The following IL23R variants were observed in gnomAD, a reference collection of about 807,000 sequenced individuals.
IL23R encodes interleukin-23 receptor.
IL23R carries 34 observed loss-of-function variants against 56.9 expected under a neutral mutation model. The ratio of observed to expected loss-of-function variants is 0.60; its 90% CI spans 0.45 to 0.80. The LOEUF is 0.80. Ranked by LOEUF, IL23R falls within the 30% of genes least tolerant of loss-of-function variation. The pLI, the probability that IL23R is intolerant of heterozygous loss-of-function variation, is 0.00. For missense variants in IL23R, 635 were observed against 730.0 expected, an observed-to-expected ratio of 0.87 and a Z score of 1.50; for synonymous variants, 230 against 249.2, an observed-to-expected ratio of 0.92 and a Z score of 0.73.
chr1:67,148,557 G>A (rs1646702390), intron 1 of IL23R, among the ~76,000 whole-genome samples: 1 of 152,226 alleles, frequency 6.6e-6, no homozygotes, highest in African/African-American at 2.4e-5. Flanking sequence ...GAAGGTGGGT[G>A]TGGTCACCTT....
chr1:67,200,507 C>T (rs535985057), intron 4 of IL23R, among the ~76,000 whole-genome samples: 4 of 151,058 alleles, frequency 2.6e-5, no homozygotes, highest in South Asian at 2.1e-4. Context: ...ATTCTCCTTT[C>T]GCAGCCTCCC....
intron 4 of IL23R, among the ~76,000 whole-genome samples, chr1:67,193,393 TG>T (rs1647891108): frequency 6.6e-6 from 1 of 152,244 alleles, no homozygotes; most frequent in Non-Finnish European, 1.5e-5. Context: ...TTTTGTTCAT[TG>T]TAGCCCCAAT....
At position 67,168,179 on chromosome 1, in the gene IL23R, G is replaced by T. The variant is rs765086515; in HGVS notation, c.59G>T (p.Trp20Leu). Residue 20 changes from tryptophan to leucine, a missense_variant, in exon 2 of 11, where the codon TGG becomes TTG. Physicochemically the swap from Trp to Leu is moderately conservative, Grantham distance 61 (BLOSUM62 -2). Transcript: ENST00000347310. ...AVIALYILFS[W>L]CHGGITNINC... ...ATAGCCCTTTACATACTCTTCAGCT[G>T]GTGTCATGGAGGTATGGTGTTTTAT... 30 of 1,607,414 alleles carry T rather than the reference G, an allele frequency of 1.9e-5. No homozygotes were observed. Among genetic ancestry groups the T allele is most frequent in the Non-Finnish European group, 2.4e-5 (28 of 1,174,148 alleles).
intron 7 of IL23R, among the ~76,000 whole-genome samples, chr1:67,232,495 A>G (rs1365678593): frequency 6.6e-6 from 1 of 152,214 alleles, no homozygotes; most frequent in Non-Finnish European, 1.5e-5. Context: ...TGACCAGCAC[A>G]AACTACATGT....
At chr1:67,200,053 T>C (rs1648498087) in intron 4 of IL23R, among the ~76,000 whole-genome samples, 1 of 152,176 alleles carries the variant, frequency 6.6e-6, no homozygotes, top group African/African-American at 2.4e-5. Flanking sequence ...TTTGTTTTTG[T>C]TTTTGAGACG....
intron 4 of IL23R, among the ~76,000 whole-genome samples, chr1:67,187,852 G>A (rs1647456447): frequency 6.6e-6 from 1 of 152,006 alleles, no homozygotes; most frequent in African/African-American, 2.4e-5. Flanking sequence ...GATCACTTGA[G>A]GTCCGGAGTT....
chr1:67,198,602 C>T (rs1648361394), intron 4 of IL23R, among the ~76,000 whole-genome samples: 1 of 152,280 alleles, frequency 6.6e-6, no homozygotes, highest in East Asian at 1.9e-4. Context: ...TGCATGACTC[C>T]CTTTCCCCTC....
chr1:67,193,474 A>T (rs1647896063), intron 4 of IL23R, among the ~76,000 whole-genome samples: 1 of 152,222 alleles, frequency 6.6e-6, no homozygotes, highest in Admixed American at 6.5e-5. Context: ...TAAATGAATG[A>T]AAGACACTAT....
chr1:67,220,477 T>C (rs1650171054), intron 7 of IL23R, among the ~76,000 whole-genome samples: 1 of 152,210 alleles, frequency 6.6e-6, no homozygotes, highest in Non-Finnish European at 1.5e-5. Flanking sequence ...AAAACTATTC[T>C]AGGGCAGATG....
intron 3 of IL23R, among the ~76,000 whole-genome samples, chr1:67,170,527 A>G (rs989709216): frequency 6.6e-6 from 1 of 152,168 alleles, no homozygotes; most frequent in African/African-American, 2.4e-5. Context: ...AGTGTCCTGG[A>G]GGTGTTTAAA....
At chr1:67,208,767 C>T (rs1312448784) in intron 6 of IL23R, among the ~76,000 whole-genome samples, 4 of 152,160 alleles carry the variant, frequency 2.6e-5, no homozygotes, top group Non-Finnish European at 5.9e-5. Context: ...TGAGCCTCCA[C>T]ACAGAGTCCC....
intron 3 of IL23R, among the ~76,000 whole-genome samples, chr1:67,177,141 G>A (rs1433037581): frequency 6.6e-6 from 1 of 152,152 alleles, no homozygotes; most frequent in Non-Finnish European, 1.5e-5. Context: ...TCAGTAGTGG[G>A]ATGGCTCAGT....
Position 67,179,358 on chromosome 1 carries a change from G to A in IL23R, c.368-3478G>A, listed in dbSNP as rs141370731. 3.2e-3 allele frequency among the ~76,000 whole-genome samples: 491 copies of A among 152,218 alleles called. 2 individuals are homozygous for A. Among genetic ancestry groups the A allele is most frequent in the East Asian group, 0.012 (61 of 5,186 alleles). On this transcript the variant is annotated intron_variant, in intron 3 of 10. Transcript: ENST00000347310. ...GGTTTAGTCTTGGGAGGGTGTATGCGTCCAGGAATTTATCCATTTCTTCTA... is the reference window on the plus strand; with the variant it reads ...GGTTTAGTCTTGGGAGGGTGTATGCATCCAGGAATTTATCCATTTCTTCTA...
At chr1:67,148,565 C>T (rs192165773) in intron 1 of IL23R, among the ~76,000 whole-genome samples, 2 of 152,262 alleles carry the variant, frequency 1.3e-5, no homozygotes, top group Admixed American at 1.3e-4. Context: ...GTGTGGTCAC[C>T]TTCCACAGCT....
intron 6 of IL23R, among the ~76,000 whole-genome samples, chr1:67,208,340 C>T (rs993632334): frequency 9.8e-5 from 15 of 152,322 alleles, no homozygotes; most frequent in African/African-American, 3.4e-4. Flanking sequence ...TGTTAATTCC[C>T]TAGACCATGG....
chr1:67,207,616 C>T (rs1458095349), intron 6 of IL23R: 1 of 391,864 alleles, frequency 2.6e-6, no homozygotes, highest in Non-Finnish European at 5.0e-6. Flanking sequence ...TTGCTTCTTC[C>T]TCATTTTCTC....
chr1:67,198,215 G>A (rs887391888), intron 4 of IL23R, among the ~76,000 whole-genome samples: 1 of 152,188 alleles, frequency 6.6e-6, no homozygotes, highest in Non-Finnish European at 1.5e-5. Flanking sequence ...TTTGCAACAT[G>A]AGATTTGGAG....
chr1:67,174,940 G>A (rs1646988924), intron 3 of IL23R, among the ~76,000 whole-genome samples: 1 of 152,196 alleles, frequency 6.6e-6, no homozygotes, highest in African/African-American at 2.4e-5. Flanking sequence ...AGAGATAGCA[G>A]TTTCAGGAGG....
At chr1:67,141,238 G>A (rs952098444) in intron 1 of IL23R, among the ~76,000 whole-genome samples, 6 of 152,072 alleles carry the variant, frequency 3.9e-5, no homozygotes, top group Non-Finnish European at 8.8e-5. Flanking sequence ...ATCTTAGGGT[G>A]GTAAAGTATA....
Sources: gnomAD v4.1 joint callset for allele counts (sites outside exome capture counted in the v4.1 genomes callset) on GRCh38, gnomAD v4.1.1 for gene constraint, MANE v1.5 for transcripts, NCBI Gene and HGNC (gene_info 2026-07-23, HGNC 2026-07-21) for gene names.